NFIX: variants seen among roughly 807,000 people sequenced by gnomAD.
NFIX encodes the protein nuclear factor I X.
NFIX carries 2 observed loss-of-function variants against 53.3 expected under a neutral mutation model. The ratio of observed to expected loss-of-function variants is 0.04; its 90% CI spans 0.02 to 0.12. NFIX has a LOEUF of 0.12. NFIX is among the 10% of genes least tolerant of loss of function. The pLI is 1.00. For synonymous variants in NFIX, 244 were observed against 289.0 expected, an observed-to-expected ratio of 0.84 and a Z score of 1.58; for missense variants, 310 against 674.5, an observed-to-expected ratio of 0.46 and a Z score of 5.99.
chr19:13,087,774 CAAAAAAAA>C (rs1157966190), intron 8 of NFIX, among the ~76,000 whole-genome samples: 75 of 26,390 alleles, frequency 2.8e-3, no homozygotes, highest in African/African-American at 0.011. Context: ...AAAAGAGGAC[CAAAAAAAA>C]AAAAAAAAAA....
chr19:13,041,793 C>CAGAAA (rs2014640941), intron 2 of NFIX, among the ~76,000 whole-genome samples: 1 of 103,304 alleles, frequency 9.7e-6, no homozygotes, highest in African/African-American at 3.1e-5. Flanking sequence ...GACTCCGTCT[C>CAGAAA]AAAAAAAAAA....
At chr19:13,018,526 T>G (rs1469876936) in intron 1 of NFIX, among the ~76,000 whole-genome samples, 1 of 152,166 alleles carries the variant, frequency 6.6e-6, no homozygotes, top group African/African-American at 2.4e-5. Flanking sequence ...AAAAACCCGC[T>G]TTGTCCAAAT....
intron 1 of NFIX, among the ~76,000 whole-genome samples, chr19:13,003,286 C>A (rs907110148): frequency 2.2e-4 from 33 of 152,144 alleles, no homozygotes; most frequent in Admixed American, 1.3e-3. Context: ...CCGGCCACAC[C>A]CGAACACATC....
Position 13,073,782 on chromosome 19 carries a change from C to T in NFIX, c.698-124C>T. The T allele has an allele frequency of 7.5e-7, 1 of 1,327,436 alleles. No homozygotes were observed. The highest frequency in any genetic ancestry group is 1.3e-5 in the South Asian group (1 of 75,314). 82.2% of individuals were successfully genotyped at this position (1,327,436 alleles called of 1,614,324 possible). On this transcript the variant is annotated intron_variant, in intron 4 of 10. Transcript: ENST00000592199. The surrounding 1 kb of genome is among the most constrained non-coding windows in gnomAD (Gnocchi z 4.5). ...CTCAGCAGCCCAGATGGCCCACTTT[C>T]TCCCATCTCCTGGCCCCACAGTAAA...
Position 13,068,075 on chromosome 19 carries a change from A to C in NFIX, c.560-4972A>C, listed in dbSNP as rs908514934. ...AGCCGAGATCGCACCACTGCACTCC[A>C]GCCTGGGTGACAGAGCAAGACTCCA... On this transcript the variant is annotated intron_variant, in intron 2 of 10. Transcript: ENST00000592199. This position sits in a 1 kb window ranked among gnomAD's most constrained non-coding sequence, Gnocchi z 4.2. 3.3e-5 allele frequency among the ~76,000 whole-genome samples: 5 copies of C among 152,046 alleles called. No homozygotes were observed. The highest frequency in any genetic ancestry group is 1.2e-4 in the African/African-American group (5 of 41,390).
At position 13,021,020 on chromosome 19, in the gene NFIX, G is replaced by T. The variant is rs1250077621; in HGVS notation, c.28-4001G>T. Among the ~76,000 whole-genome samples the T allele has an allele frequency of 6.6e-6, 1 of 151,954 alleles. No individual in the cohort carries two copies. The highest frequency in any genetic ancestry group is 2.4e-5 in the African/African-American group (1 of 41,344). On this transcript the variant is annotated intron_variant, in intron 1 of 10. Transcript: ENST00000592199. This position sits in a 1 kb window ranked among gnomAD's most constrained non-coding sequence, Gnocchi z 4.2. ...GGCTCGTGTTGGCCATTTTCTGTTT[G>T]GTGTCTAATATTTAGTATAAATCAG...
chr19:13,070,826 C>G (rs1022601645), intron 2 of NFIX: 1 of 152,316 alleles, frequency 6.6e-6, no homozygotes, highest in Admixed American at 6.5e-5. Context: ...GAAGGATTTC[C>G]TGTCTGTCGC....
rs186282841 is a variant in NFIX at position 12,998,183 on chromosome 19, C to A, written c.27+2319C>A. Among the ~76,000 whole-genome samples, 1,830 of 152,234 alleles carry A rather than the reference C, an allele frequency of 0.012. 16 individuals carry two copies. The highest frequency in any genetic ancestry group is 0.019 in the Non-Finnish European group (1,319 of 68,020). ...TGGTGTATTCTGCCCTTTTCCATCT[C>A]TCTTTCTCCATCTCTGTCCTTTTGT... On this transcript the variant is annotated intron_variant, in intron 1 of 10. Coordinates refer to ENST00000592199, the MANE Select transcript of NFIX (RefSeq NM_001365902.3). The surrounding 1 kb of genome is among the most constrained non-coding windows in gnomAD (Gnocchi z 4.4).
At chr19:13,030,156 C>G (rs2013690132) in intron 2 of NFIX, among the ~76,000 whole-genome samples, 1 of 152,216 alleles carries the variant, frequency 6.6e-6, no homozygotes. Context: ...CCAGGGCTGA[C>G]AAAGATCGCA....
chr19:13,075,739 C>G, intron 6 of NFIX, 68 bp downstream of exon 6: 1 of 1,546,302 alleles, frequency 6.5e-7, no homozygotes, highest in Non-Finnish European at 8.8e-7. Context: ...CTTCTCAGTT[C>G]ACCTGGTGAG....
chr19:13,003,437 G>C (rs1279352225), intron 1 of NFIX, among the ~76,000 whole-genome samples: 1 of 152,078 alleles, frequency 6.6e-6, no homozygotes, highest in African/African-American at 2.4e-5. Flanking sequence ...GGCACAGCTA[G>C]AAACACACAG....
chr19:13,074,719 T>A lies in NFIX; in HGVS notation c.818+693T>A, dbSNP rs555603074. ...GTCCACTCCACTTTTTTTTTTTTTT[T>A]AAAACGGGTGTTTATATTAATTGCG... On this transcript the variant is annotated intron_variant, in intron 5 of 10. Transcript: ENST00000592199. Among the ~76,000 whole-genome samples, 83 of 150,300 alleles carry A rather than the reference T, an allele frequency of 5.5e-4. 1 individual carries two copies. The East Asian group carries it at 8.8e-3, about 16-fold the overall frequency.
rs552817286 is a variant in NFIX at position 13,070,209 on chromosome 19, C to T, written c.560-2838C>T. ...GCAGCCACTGGCTGGTTCCTGCCAG[C>T]CTCCTTCCTCTATCTATCCAAGGCA... On this transcript the variant is annotated intron_variant, in intron 2 of 10. Coordinates refer to ENST00000592199, the MANE Select transcript of NFIX (RefSeq NM_001365902.3). 5 of 152,416 alleles carry T rather than the reference C, an allele frequency of 3.3e-5. No homozygotes were observed. In the South Asian group the frequency reaches 1.0e-3, roughly 32 times the overall value. The allele number at this position is 152,416 out of a possible 1,614,324, so 9.4% of individuals were successfully genotyped here.
rs1200925504 is a variant in NFIX at position 13,089,559 on chromosome 19, G to A, written c.1403-740G>A. On this transcript the variant is annotated intron_variant, in intron 9 of 10. Transcript: ENST00000592199. The surrounding 1 kb of genome is among the most constrained non-coding windows in gnomAD (Gnocchi z 4.8). ...CAGGCCTGTTGGACCTGGTGCATCA[G>A]TCAGAGGAGGAGAATGCCATAGGCC... Among the ~76,000 whole-genome samples, 1 of 152,220 alleles carries A rather than the reference G, an allele frequency of 6.6e-6. No individual in the cohort carries two copies. Among genetic ancestry groups the A allele is most frequent in the African/African-American group, 2.4e-5 (1 of 41,448 alleles).
Position 13,011,451 on chromosome 19 carries a change from T to C in NFIX, c.28-13570T>C, listed in dbSNP as rs1325300090. Among the ~76,000 whole-genome samples the C allele has an allele frequency of 2.1e-5, 3 of 145,776 alleles. No individual in the cohort carries two copies. Among genetic ancestry groups the C allele is most frequent in the Non-Finnish European group, 4.5e-5 (3 of 66,064 alleles). On this transcript the variant is annotated intron_variant, in intron 1 of 10. Transcript: ENST00000592199. This position sits in a 1 kb window ranked among gnomAD's most constrained non-coding sequence, Gnocchi z 6.5. ...CCGCCCTCCAGGCCTTCGCTCCAGG[T>C]GCGCCCGGGCGGTGGAGGCGAGTTC...
At position 13,067,772 on chromosome 19, in the gene NFIX, C is replaced by G. The variant is rs565908412; in HGVS notation, c.560-5275C>G. On this transcript the variant is annotated intron_variant, in intron 2 of 10. Transcript: ENST00000592199. This position sits in a 1 kb window ranked among gnomAD's most constrained non-coding sequence, Gnocchi z 4.2. ...TCCCTCACCCTAGTGGGAGCCATAACTACCTCCCCATCTGTAGGTGGAAAA... is the reference window on the plus strand; with the variant it reads ...TCCCTCACCCTAGTGGGAGCCATAAGTACCTCCCCATCTGTAGGTGGAAAA... 6.8e-4 allele frequency among the ~76,000 whole-genome samples: 104 copies of G among 152,168 alleles called. No homozygotes were observed. Among genetic ancestry groups the G allele is most frequent in the African/African-American group, 2.4e-3 (101 of 41,486 alleles).
In NFIX at chr19:13,002,469, AG is replaced by A. The variant is rs2011764855; in HGVS notation, c.27+6611del. Among the ~76,000 whole-genome samples the A allele has an allele frequency of 6.6e-6, 1 of 151,508 alleles. No homozygotes were observed. The highest frequency in any genetic ancestry group is 6.6e-5 in the Admixed American group (1 of 15,266). On this transcript the variant is annotated intron_variant, in intron 1 of 10. Coordinates refer to ENST00000592199, the MANE Select transcript of NFIX (RefSeq NM_001365902.3). This position sits in a 1 kb window ranked among gnomAD's most constrained non-coding sequence, Gnocchi z 6.1. The stretch of plus-strand genomic sequence containing the variant: ...CTGGGCCCCCTGAGTGGGCTTGGCC[AG>A]GGGGGCACAGGCCTGGCGGGTGAGG...
At position 13,073,514 on chromosome 19, in the gene NFIX, T is replaced by G; in HGVS notation, c.697+18T>G. ...ATCACAGAGTAAGTGAGTCCTTCCT[T>G]CCAGGCCAGGGATGGGGATTGAAAG... On this transcript the variant is annotated intron_variant, in intron 4 of 10. Transcript: ENST00000592199. This position sits in a 1 kb window ranked among gnomAD's most constrained non-coding sequence, Gnocchi z 4.5. The G allele has an allele frequency of 6.2e-7, 1 of 1,609,030 alleles. No individual in the cohort carries two copies. Among genetic ancestry groups the G allele is most frequent in the Non-Finnish European group, 8.5e-7 (1 of 1,175,436 alleles).
chr19:13,072,961 G>C lies in NFIX; in HGVS notation c.560-86G>C. On this transcript the variant is annotated intron_variant, in intron 2 of 10. Transcript: ENST00000592199. The surrounding 1 kb of genome is among the most constrained non-coding windows in gnomAD (Gnocchi z 4.0). ...GCCAGGGTGGGCCGTCCCTGCTCTT[G>C]CACCAGGCTGGAGGGGCCAATGCTT... 7.5e-7 allele frequency: 1 copy of C among 1,334,038 alleles called. No homozygotes were observed. Among genetic ancestry groups the C allele is most frequent in the Non-Finnish European group, 1.1e-6 (1 of 925,124 alleles). 82.6% of individuals were successfully genotyped at this position (1,334,038 alleles called of 1,614,324 possible).
Sources: gnomAD v4.1 joint callset for allele counts (sites outside exome capture counted in the v4.1 genomes callset) on GRCh38, gnomAD v4.1.1 for gene constraint, Gnocchi (gnomAD v3.1) non-coding constraint, MANE v1.5 for transcripts, NCBI Gene and HGNC (gene_info 2026-07-23, HGNC 2026-07-21) for gene names.